MYO9A: variants seen among roughly 807,000 people sequenced by gnomAD.
MYO9A encodes the protein unconventional myosin-IXa.
A neutral mutation model predicts 293.3 loss-of-function variants in MYO9A; 103 were observed. The ratio of observed to expected loss-of-function variants is 0.35; its 90% CI spans 0.30 to 0.41. The LOEUF (loss-of-function observed/expected upper bound fraction) is 0.41. MYO9A is among the 10% of genes least tolerant of loss of function. MYO9A has a pLI of 1.00. For missense variants in MYO9A, 2,685 were observed against 3,033.0 expected (o/e 0.89, Z 2.69); for synonymous variants, 1,001 against 1,035.7 (o/e 0.97, Z 0.64).
chr15:72,111,155 T>A (rs1403746631), intron 1 of MYO9A, among the ~76,000 whole-genome samples: 58 of 141,650 alleles, frequency 4.1e-4, no homozygotes, highest in African/African-American at 1.5e-3. Flanking sequence ...CGAGACTCCA[T>A]CTCAAAAAAA....
chr15:71,883,345 C>G (rs550516154), intron 28 of MYO9A, among the ~76,000 whole-genome samples: 21 of 152,202 alleles, frequency 1.4e-4, no homozygotes, highest in African/African-American at 5.1e-4. Context: ...TTAAGGCTAA[C>G]CTATGATACA....
At chr15:71,985,211 T>C (rs1049163173) in intron 11 of MYO9A, among the ~76,000 whole-genome samples, 1 of 152,148 alleles carries the variant, frequency 6.6e-6, no homozygotes, top group Non-Finnish European at 1.5e-5. Flanking sequence ...TGAGCCACCA[T>C]GCCCGGCCAC....
intron 1 of MYO9A, among the ~76,000 whole-genome samples, chr15:72,077,101 T>C (rs2079377505): frequency 6.6e-6 from 1 of 151,356 alleles, no homozygotes; most frequent in African/African-American, 2.4e-5. Flanking sequence ...CATATCTGAG[T>C]GTACCACACA....
chr15:71,828,177 G>T, intron 40 of MYO9A, 151 bp from the exon 41 acceptor site: 1 of 818,294 alleles, frequency 1.2e-6, no homozygotes, highest in Non-Finnish European at 1.9e-6. Flanking sequence ...GGACCTGTAT[G>T]CCAAATATGG....
chr15:72,013,668 A>T (rs974742771), intron 6 of MYO9A, among the ~76,000 whole-genome samples: 1 of 152,246 alleles, frequency 6.6e-6, no homozygotes, highest in African/African-American at 2.4e-5. Context: ...CCCATTTACA[A>T]ATGCCTAGGA....
intron 8 of MYO9A, among the ~76,000 whole-genome samples, chr15:72,006,887 T>C (rs2077033269): frequency 1.3e-5 from 2 of 152,202 alleles, no homozygotes. Context: ...GAAAAAGTCA[T>C]TTCCCAGAGG....
intron 35 of MYO9A, chr15:71,852,488 G>C (rs571401287): frequency 1.0e-5 from 3 of 286,700 alleles, no homozygotes; most frequent in Non-Finnish European, 2.0e-5. Flanking sequence ...CTCAGCCTCC[G>C]GAGTAGCTGG....
intron 39 of MYO9A, among the ~76,000 whole-genome samples, chr15:71,836,989 G>A (rs1430964977): frequency 6.6e-6 from 1 of 151,532 alleles, no homozygotes; most frequent in Non-Finnish European, 1.5e-5. Flanking sequence ...TCTGTGTTTT[G>A]TATGTGTTTT....
intron 1 of MYO9A, among the ~76,000 whole-genome samples, chr15:72,114,080 T>C (rs184603831): frequency 1.3e-3 from 199 of 152,238 alleles, no homozygotes; most frequent in Admixed American, 5.1e-3. Flanking sequence ...CCAGCTTTAT[T>C]AGGTTCTTGT....
intron 32 of MYO9A, among the ~76,000 whole-genome samples, chr15:71,867,335 TGAG>T (rs2056363130): frequency 6.6e-6 from 1 of 151,896 alleles, no homozygotes; most frequent in African/African-American, 2.4e-5. Context: ...AACCCTGAAG[TGAG>T]GAAAGTCTTA....
chr15:72,116,063 G>C (rs973964831), intron 1 of MYO9A, among the ~76,000 whole-genome samples: 1 of 152,212 alleles, frequency 6.6e-6, no homozygotes, highest in Non-Finnish European at 1.5e-5. Flanking sequence ...TTTGTGTACA[G>C]TGTCTTAAAA....
chr15:71,841,849 G>C (rs2055176538), intron 39 of MYO9A, among the ~76,000 whole-genome samples: 1 of 149,940 alleles, frequency 6.7e-6, no homozygotes, highest in African/African-American at 2.5e-5. Flanking sequence ...GTTTCACCAT[G>C]TTGCCCAGGC....
chr15:72,042,757 T>C (rs2149621575), intron 2 of MYO9A, among the ~76,000 whole-genome samples: 1 of 151,818 alleles, frequency 6.6e-6, no homozygotes. Context: ...CAATGGAATC[T>C]ATAAAAAAGC....
chr15:72,016,021 A>C (rs1383476885), intron 6 of MYO9A, among the ~76,000 whole-genome samples: 2 of 152,164 alleles, frequency 1.3e-5, no homozygotes, highest in Non-Finnish European at 2.9e-5. Context: ...GGCAGACATC[A>C]GCCAACATAT....
chr15:71,988,317 G>T (rs1357937180), intron 11 of MYO9A, among the ~76,000 whole-genome samples: 1 of 152,110 alleles, frequency 6.6e-6, no homozygotes, highest in East Asian at 1.9e-4. Flanking sequence ...CTTAGCTTTT[G>T]ATTAAAAGAA....
chr15:71,938,771 T>C (rs2058698809), intron 16 of MYO9A, 81 bp downstream of exon 16: 3 of 1,279,180 alleles, frequency 2.3e-6, no homozygotes, highest in South Asian at 2.9e-5. Context: ...TACTTCAAAC[T>C]TTTAAAGTCA....
chr15:71,893,195 A>G, intron 26 of MYO9A: 1 of 1,254,856 alleles, frequency 8.0e-7, no homozygotes, highest in Non-Finnish European at 1.0e-6. Context: ...ACCAAATGAT[A>G]AAACAAATAA....
chr15:72,109,313 C>A (rs749297528), intron 1 of MYO9A, among the ~76,000 whole-genome samples: 2 of 151,516 alleles, frequency 1.3e-5, no homozygotes, highest in Non-Finnish European at 2.9e-5. Context: ...TGGTGTGAAC[C>A]CAGGAGGTGG....
intron 9 of MYO9A, among the ~76,000 whole-genome samples, chr15:71,994,907 T>C (rs1375087440): frequency 1.3e-5 from 2 of 152,156 alleles, no homozygotes; most frequent in Non-Finnish European, 2.9e-5. Flanking sequence ...TAATTTTGTA[T>C]TTTTAGTAGA....
Sources: gnomAD v4.1 joint callset for allele counts (sites outside exome capture counted in the v4.1 genomes callset) on GRCh38, gnomAD v4.1.1 for gene constraint, MANE v1.5 for transcripts, NCBI Gene and HGNC (gene_info 2026-07-23, HGNC 2026-07-21) for gene names.